Variants in RBFOX1 observed in about 807,000 individuals in gnomAD.
RBFOX1 encodes the protein RNA binding protein fox-1 homolog 1.
Under a neutral mutation model 57.7 loss-of-function variants are expected in RBFOX1, and 8 were observed. The ratio of observed to expected loss-of-function variants is 0.14; its 90% CI spans 0.08 to 0.25. The LOEUF is 0.25. RBFOX1 is among the 10% of genes least tolerant of loss of function. The probability of loss-of-function intolerance (pLI) is 1.00; values close to 1 mark genes in which losing one functional copy is unlikely to be tolerated. For synonymous variants in RBFOX1, 326 were observed against 222.4 expected, an observed-to-expected ratio of 1.47 and a Z score of -4.15; for missense variants, 611 against 548.5, an observed-to-expected ratio of 1.11 and a Z score of -1.14.
At chr16:5,304,893 C>A (rs9935998) in intron 1 of RBFOX1, among the ~76,000 whole-genome samples, 1 of 152,124 alleles carries the variant, frequency 6.6e-6, no homozygotes, top group African/African-American at 2.4e-5. Flanking sequence ...CTATTCCCTG[C>A]GAATTTGAAC....
At chr16:6,949,726 G>C (rs1598151027) in intron 3 of RBFOX1, among the ~76,000 whole-genome samples, 2 of 152,076 alleles carry the variant, frequency 1.3e-5, no homozygotes, top group South Asian at 4.1e-4. Flanking sequence ...AGTCACGTTA[G>C]GAGTTAAGAC....
At chr16:6,943,708 TAAAAAAA>T (rs35455385) in intron 3 of RBFOX1, among the ~76,000 whole-genome samples, 3 of 134,012 alleles carry the variant, frequency 2.2e-5, no homozygotes, top group African/African-American at 5.6e-5. Flanking sequence ...ACTCTGTCTT[TAAAAAAA>T]AAAAAAAAAA....
At chr16:6,144,490 AT>A (rs1209900313) in intron 1 of RBFOX1, among the ~76,000 whole-genome samples, 3 of 152,216 alleles carry the variant, frequency 2.0e-5, no homozygotes, top group Non-Finnish European at 4.4e-5. Context: ...GTGGCTTCTA[AT>A]TTGCACAAGA....
At chr16:5,976,036 C>A (rs960141222) in intron 4 of RBFOX1, among the ~76,000 whole-genome samples, 1 of 151,946 alleles carries the variant, frequency 6.6e-6, no homozygotes, top group East Asian at 1.9e-4. Flanking sequence ...CCTAGCCACT[C>A]AGGAGGCTGA....
chr16:6,747,514 G>A (rs1393576574), intron 3 of RBFOX1, among the ~76,000 whole-genome samples: 1 of 151,950 alleles, frequency 6.6e-6, no homozygotes, highest in Non-Finnish European at 1.5e-5. Flanking sequence ...TTTACTTGTT[G>A]TCACCTGGGA....
chr16:6,907,506 T>C (rs910735314), intron 3 of RBFOX1, among the ~76,000 whole-genome samples: 13 of 152,304 alleles, frequency 8.5e-5, no homozygotes, highest in Non-Finnish European at 1.0e-4. Context: ...GGGTGGTTCC[T>C]TCTGAAAACT....
At chr16:6,309,146 G>T (rs1354260857) in intron 1 of RBFOX1, among the ~76,000 whole-genome samples, 1 of 152,046 alleles carries the variant, frequency 6.6e-6, no homozygotes, top group African/African-American at 2.4e-5. Context: ...TGTACTCGGT[G>T]GAGAAATAAT....
At chr16:7,128,896 C>G (rs1409946694) in intron 4 of RBFOX1, among the ~76,000 whole-genome samples, 1 of 148,276 alleles carries the variant, frequency 6.7e-6, no homozygotes, top group African/African-American at 2.5e-5. Flanking sequence ...TCTCGGCTCA[C>G]TGCAACCTCC....
chr16:6,657,989 G>T (rs1440426570), intron 3 of RBFOX1, among the ~76,000 whole-genome samples: 1 of 151,890 alleles, frequency 6.6e-6, no homozygotes, highest in Non-Finnish European at 1.5e-5. Flanking sequence ...CCACATATAT[G>T]GATATATTTG....
intron 2 of RBFOX1, among the ~76,000 whole-genome samples, chr16:6,622,435 A>G (rs2098246535): frequency 6.6e-6 from 1 of 152,210 alleles, no homozygotes; most frequent in South Asian, 2.1e-4. Context: ...AACAAGCTGT[A>G]CAGGCTTGTA....
chr16:6,654,449 C>T (rs1345964635), intron 2 of RBFOX1, among the ~76,000 whole-genome samples, 154 bp from the exon 3 acceptor site: 2 of 152,130 alleles, frequency 1.3e-5, no homozygotes, highest in Non-Finnish European at 2.9e-5. Context: ...CTTTAAAAAG[C>T]ACTATAAAGA....
intron 4 of RBFOX1, among the ~76,000 whole-genome samples, chr16:7,264,434 G>C (rs182061374): frequency 4.6e-4 from 70 of 152,300 alleles, no homozygotes; most frequent in Non-Finnish European, 8.7e-4. Context: ...CAGTAGTCCA[G>C]TGTCTTGCTC....
In RBFOX1 at chr16:6,678,154, C is replaced by T. The variant is rs552138630; in HGVS notation, c.-16+23504C>T. ...TTGTGTTGTGTTTGAGACGGAGTCT[C>T]GCTCTGTCGCCCAGGCTGGAGTGCA... On this transcript the variant is annotated intron_variant, in intron 3 of 15. Coordinates refer to ENST00000550418, the MANE Select transcript of RBFOX1 (RefSeq NM_018723.4). 1.6e-4 allele frequency among the ~76,000 whole-genome samples: 25 copies of T among 152,304 alleles called. No individual in the cohort carries two copies. In the East Asian group the frequency reaches 1.9e-3, roughly 12 times the overall value.
At chr16:7,468,426 A>G (rs141963734) in intron 4 of RBFOX1, among the ~76,000 whole-genome samples, 10 of 149,860 alleles carry the variant, frequency 6.7e-5, no homozygotes, top group Middle Eastern at 3.6e-3. Context: ...TGCACTCAAC[A>G]TGCCGCTTAT....
intron 4 of RBFOX1, among the ~76,000 whole-genome samples, chr16:5,929,482 G>A (rs927169439): frequency 6.6e-6 from 1 of 152,120 alleles, no homozygotes; most frequent in Non-Finnish European, 1.5e-5. Flanking sequence ...CTATAAGACA[G>A]CATGACATTA....
At chr16:6,662,298 G>C (rs1468769721) in intron 3 of RBFOX1, among the ~76,000 whole-genome samples, 1 of 151,322 alleles carries the variant, frequency 6.6e-6, no homozygotes, top group East Asian at 1.9e-4. Context: ...ACACACACAA[G>C]TCTGTGAGAT....
At chr16:5,382,319 G>C (rs2066150899) in intron 1 of RBFOX1, among the ~76,000 whole-genome samples, 1 of 151,734 alleles carries the variant, frequency 6.6e-6, no homozygotes, top group African/African-American at 2.4e-5. Flanking sequence ...TCTGCTCTTT[G>C]AAAACTATTC....
chr16:6,016,281 GAGGGATTGGC>G (rs550135144), upstream of RBFOX1, among the ~76,000 whole-genome samples: 23 of 151,436 alleles, frequency 1.5e-4, no homozygotes, highest in South Asian at 3.8e-3. Flanking sequence ...GTAGGGAGTT[GAGGGATTGGC>G]AGGGAGAAAG....
intron 4 of RBFOX1, among the ~76,000 whole-genome samples, chr16:7,371,465 T>A (rs1205902910): frequency 6.6e-6 from 1 of 152,188 alleles, no homozygotes; most frequent in Non-Finnish European, 1.5e-5. Flanking sequence ...TATGCACATA[T>A]ATGGCCAGGT....
Sources: allele counts gnomAD v4.1 joint callset (sites outside exome capture counted in the v4.1 genomes callset), GRCh38; gene constraint gnomAD v4.1.1; transcripts MANE v1.5; gene names NCBI Gene and HGNC (gene_info 2026-07-23, HGNC 2026-07-21).